Variants in MGST1 observed in about 807,000 individuals in gnomAD.
MGST1 encodes glutathione S-transferase 12.
Under a neutral mutation model 8.9 loss-of-function variants are expected in MGST1, and 5 were observed. That is an observed-to-expected ratio of 0.56 (90% confidence interval 0.29 to 1.19). MGST1 has a LOEUF of 1.19. Among genes scored for constraint, MGST1 ranks in the 50% most tolerant of loss-of-function variants. The pLI, the probability that MGST1 is intolerant of heterozygous loss-of-function variation, is 0.08. For synonymous variants in MGST1, 54 were observed against 67.8 expected (o/e 0.80, Z 1.00); for missense variants, 182 against 187.4 (o/e 0.97, Z 0.17).
At chr12:16,397,115 G>A (rs1048854168) in intron 1 of MGST1, among the ~76,000 whole-genome samples, 11 of 151,942 alleles carry the variant, frequency 7.2e-5, no homozygotes, top group African/African-American at 2.7e-4. Flanking sequence ...AAACCCACCA[G>A]TAAACCCAAA....
In MGST1 at chr12:16,560,712, C is replaced by T. The variant is rs77050222; in HGVS notation, n.483-28816C>T. On this transcript the variant is annotated intron_variant and non_coding_transcript_variant, in intron 4 of 4. Transcript: ENST00000538857. This position sits in a 1 kb window ranked among gnomAD's most constrained non-coding sequence, Gnocchi z 5.0. ...AAATATTCTTCTGCAATATATTCTC[C>T]GTTGACCTTCCTTGATGAAAATCAC... 704 of 630,640 alleles carry T rather than the reference C, an allele frequency of 1.1e-3. 1 individual carries two copies. Among genetic ancestry groups the T allele is most frequent in the Non-Finnish European group, 1.7e-3 (614 of 358,836 alleles). 39.1% of individuals were successfully genotyped at this position (630,640 alleles called of 1,614,324 possible). A position where few individuals can be genotyped will look rare whatever the true frequency, so the allele number is the denominator to read the frequency against.
rs1943246424 is a variant in MGST1, at chr12:16,584,107, T to C, written n.483-5421T>C. On this transcript the variant is annotated intron_variant and non_coding_transcript_variant, in intron 4 of 4. Coordinates refer to the MGST1 transcript ENST00000538857. The surrounding 1 kb of genome is among the most constrained non-coding windows in gnomAD (Gnocchi z 5.2). ...GGCTTGGTTTCAAGTGAGTCATCTC[T>C]AAGCCTTTTAGAATCCCTAGAATTG... 6.6e-6 allele frequency among the ~76,000 whole-genome samples: 1 copy of C among 152,198 alleles called. No homozygotes were observed. The highest frequency in any genetic ancestry group is 1.9e-4 in the East Asian group (1 of 5,192).
At chr12:16,475,461 G>C (rs1358933354) in intron 4 of MGST1, among the ~76,000 whole-genome samples, 1 of 152,266 alleles carries the variant, frequency 6.6e-6, no homozygotes, top group Admixed American at 6.5e-5. Flanking sequence ...GATTCCCATT[G>C]CTTTTGATGA....
At chr12:16,581,818 TATTA>T (rs1431729976) in intron 4 of MGST1, among the ~76,000 whole-genome samples, 11 of 152,142 alleles carry the variant, frequency 7.2e-5, no homozygotes, top group African/African-American at 2.4e-4. Context: ...TACTACTCTT[TATTA>T]ATTTCTTTTA....
intron 4 of MGST1, among the ~76,000 whole-genome samples, chr12:16,564,773 G>C (rs1424086896): frequency 6.6e-6 from 1 of 152,134 alleles, no homozygotes; most frequent in Non-Finnish European, 1.5e-5. Context: ...CATTTAATGA[G>C]ATAAATATGC....
intron 4 of MGST1, among the ~76,000 whole-genome samples, chr12:16,516,730 A>G (rs754986345): frequency 6.6e-6 from 1 of 152,086 alleles, no homozygotes; most frequent in East Asian, 1.9e-4. Context: ...AAGGAAGACT[A>G]TCTATCAGAA....
At chr12:16,489,214 C>G (rs1228557256) in intron 4 of MGST1, among the ~76,000 whole-genome samples, 1 of 151,942 alleles carries the variant, frequency 6.6e-6, no homozygotes, top group Non-Finnish European at 1.5e-5. Context: ...AATTTTGGGC[C>G]ATTATAAATA....
At position 16,404,992 on chromosome 12, in the gene MGST1, G is replaced by C. The variant is rs538806869; in HGVS notation, n.778+21388G>C. 7.7e-4 allele frequency among the ~76,000 whole-genome samples: 117 copies of C among 152,266 alleles called. 2 individuals carry two copies. In the South Asian group the frequency reaches 0.023, roughly 31 times the overall value. On this transcript the variant is annotated intron_variant and non_coding_transcript_variant, in intron 1 of 1. Transcript: ENST00000359720. ...GTTTTTTGTAACTAATGAGAACAAA[G>C]ATACAACCTACCATAATCTCTGGGA...
At chr12:16,350,348 A>T (rs1196964542) in intron 1 of MGST1, among the ~76,000 whole-genome samples, 1 of 152,248 alleles carries the variant, frequency 6.6e-6, no homozygotes, top group Admixed American at 6.5e-5. Context: ...TATAATGAGC[A>T]AACAAACCAC....
chr12:16,442,823 A>G (rs1941049470), downstream of MGST1, among the ~76,000 whole-genome samples: 1 of 151,350 alleles, frequency 6.6e-6, no homozygotes, highest in Admixed American at 6.6e-5. The surrounding 1 kb of genome is among the most constrained non-coding windows in gnomAD (Gnocchi z 4.5). Context: ...TGTTTTTATC[A>G]GTTATTGGGA....
At chr12:16,405,745 A>G (rs1238509666) in intron 1 of MGST1, among the ~76,000 whole-genome samples, 2 of 152,206 alleles carry the variant, frequency 1.3e-5, no homozygotes, top group African/African-American at 4.8e-5. Flanking sequence ...CTGAGATGCA[A>G]GGTTGGTCCA....
downstream of MGST1, among the ~76,000 whole-genome samples, chr12:16,590,903 A>G: frequency 6.6e-6 from 1 of 152,056 alleles, no homozygotes; most frequent in East Asian, 1.9e-4. Context: ...CTATTACTTA[A>G]TCACACAGGG....
chr12:16,496,245 T>A (rs1303297273), intron 4 of MGST1, among the ~76,000 whole-genome samples: 2 of 151,948 alleles, frequency 1.3e-5, no homozygotes, highest in Admixed American at 6.6e-5. Flanking sequence ...TTGGAGGCAA[T>A]CGAAGTGTCT....
intron 1 of MGST1, among the ~76,000 whole-genome samples, chr12:16,415,685 G>A (rs933245251): frequency 6.6e-6 from 1 of 152,160 alleles, no homozygotes; most frequent in African/African-American, 2.4e-5. Flanking sequence ...GACTGTTTAT[G>A]TTATTGGTAA....
downstream of MGST1, among the ~76,000 whole-genome samples, chr12:16,379,059 G>A (rs1337261215): frequency 6.6e-6 from 1 of 151,918 alleles, no homozygotes; most frequent in African/African-American, 2.4e-5. Flanking sequence ...TGAGGCAATG[G>A]GGTTTTCTAG....
intron 4 of MGST1, among the ~76,000 whole-genome samples, chr12:16,520,708 A>T (rs1189697725): frequency 6.6e-6 from 1 of 152,160 alleles, no homozygotes; most frequent in Non-Finnish European, 1.5e-5. Flanking sequence ...ACCTCCAGCA[A>T]ATCTTAAAAT....
intron 4 of MGST1, among the ~76,000 whole-genome samples, chr12:16,466,883 T>C (rs759036824): frequency 6.6e-5 from 10 of 152,158 alleles, no homozygotes; most frequent in Non-Finnish European, 1.3e-4. Flanking sequence ...TCCACAATTG[T>C]GTTGCACTGA....
intron 4 of MGST1, among the ~76,000 whole-genome samples, chr12:16,568,204 T>C (rs957552155): frequency 1.3e-5 from 2 of 152,204 alleles, no homozygotes; most frequent in Non-Finnish European, 2.9e-5. Context: ...TGTAAGAACC[T>C]AGCATTACAG....
At chr12:16,383,897 CTCTT>C (rs1395067889) in intron 1 of MGST1, among the ~76,000 whole-genome samples, 1 of 152,150 alleles carries the variant, frequency 6.6e-6, no homozygotes, top group Non-Finnish European at 1.5e-5. Context: ...ATGGCATAAT[CTCTT>C]TCTTAAACCA....
Sources: allele counts gnomAD v4.1 joint callset (sites outside exome capture counted in the v4.1 genomes callset), GRCh38; gene constraint gnomAD v4.1.1; non-coding constraint Gnocchi (gnomAD v3.1); transcripts MANE v1.5; gene names NCBI Gene and HGNC (gene_info 2026-07-23, HGNC 2026-07-21).